The following JCAD variants were observed in gnomAD, a reference collection of about 807,000 sequenced individuals.
The protein encoded by JCAD is junctional cadherin 5 associated.
JCAD carries 40 observed loss-of-function variants against 98.0 expected under a neutral mutation model. The observed-to-expected ratio is 0.41, with a 90% CI of 0.32 to 0.53. The LOEUF is 0.53. Among genes scored for constraint, JCAD ranks in the 20% least tolerant of loss-of-function variants. The pLI is 0.31. For missense variants in JCAD, 1,705 were observed against 1,738.1 expected (o/e 0.98, Z 0.34); for synonymous variants, 691 against 682.3 (o/e 1.01, Z -0.20).
intron 1 of JCAD, among the ~76,000 whole-genome samples, chr10:30,053,430 G>A (rs975616916): frequency 5.3e-5 from 8 of 151,752 alleles, no homozygotes; most frequent in African/African-American, 1.7e-4. Context: ...GCGTGGTGGC[G>A]CTCACCTGTA....
chr10:30,066,520 G>A (rs1014099996), intron 2 of JCAD, among the ~76,000 whole-genome samples: 1 of 152,128 alleles, frequency 6.6e-6, no homozygotes, highest in Non-Finnish European at 1.5e-5. Context: ...CTCTTGAGCG[G>A]TGGTGCCCTC....
chr10:30,100,136 T>C (rs1465300051), intron 1 of JCAD, among the ~76,000 whole-genome samples: 1 of 152,194 alleles, frequency 6.6e-6, no homozygotes, highest in Non-Finnish European at 1.5e-5. Context: ...CATTGCTCCA[T>C]CTGTAAAGGC....
At chr10:30,070,148 TA>T (rs769536286) in intron 1 of JCAD, among the ~76,000 whole-genome samples, 4 of 152,120 alleles carry the variant, frequency 2.6e-5, no homozygotes, top group Non-Finnish European at 4.4e-5. Flanking sequence ...AAACATGAAA[TA>T]TAAGTCCGAG....
intron 1 of JCAD, among the ~76,000 whole-genome samples, chr10:30,083,901 T>C (rs1056188589): frequency 1.3e-5 from 2 of 151,976 alleles, no homozygotes; most frequent in Non-Finnish European, 2.9e-5. Flanking sequence ...GGTACACACC[T>C]CTAGTCCCAG....
chr10:30,037,746 A>G (rs1320978458), intron 2 of JCAD, among the ~76,000 whole-genome samples: 1 of 152,104 alleles, frequency 6.6e-6, no homozygotes, highest in East Asian at 1.9e-4. Flanking sequence ...GGGGCACAGG[A>G]AAGCAATTCA....
rs766426735 is a variant in JCAD at position 30,022,997 on chromosome 10, C to CT, written c.4045+3105dup. ...AAGTGCCCTACAAAAGTGGTCCTTT[C>CT]TTTTTTTTTAATATTTTATGCCATA... On this transcript the variant is annotated intron_variant, in intron 3 of 3. Transcript: ENST00000375377. 1.5e-3 allele frequency among the ~76,000 whole-genome samples: 233 copies of CT among 151,370 alleles called. 1 individual carries two copies. Among genetic ancestry groups the CT allele is most frequent in the Non-Finnish European group, 2.3e-3 (155 of 67,794 alleles).
chr10:30,071,206 T>C (rs1837880714), intron 1 of JCAD, among the ~76,000 whole-genome samples: 1 of 152,182 alleles, frequency 6.6e-6, no homozygotes, highest in Non-Finnish European at 1.5e-5. Flanking sequence ...CGCCCCAGCC[T>C]AAAGTATTAA....
chr10:30,071,854 A>G (rs1208903220), intron 1 of JCAD, among the ~76,000 whole-genome samples: 1 of 152,110 alleles, frequency 6.6e-6, no homozygotes, highest in Non-Finnish European at 1.5e-5. Context: ...ATATGAACAA[A>G]ATAAAAAGGA....
At chr10:30,066,264 A>G (rs2255515) in intron 2 of JCAD, among the ~76,000 whole-genome samples, 132,324 of 152,186 alleles carry the variant, frequency 0.87, 58,061 homozygotes, top group African/African-American at 0.96. Flanking sequence ...GTGACAAACA[A>G]TTTTTCAATC....
At chr10:30,055,706 C>G (rs1837557488) in intron 1 of JCAD, among the ~76,000 whole-genome samples, 1 of 152,130 alleles carries the variant, frequency 6.6e-6, no homozygotes, top group Non-Finnish European at 1.5e-5. Context: ...GGAGGACATC[C>G]TTAGGTTTCT....
In JCAD at chr10:30,027,280, C is replaced by T. The variant is rs971225808; in HGVS notation, c.2868G>A (p.Lys956=). ...CSADGSTSAE[K]RHLEVSNGMD... ...TTCCGTTGCTAACCTCCAGGTGTCT[C>T]TTCTCTGCACTCGTGCTTCCATCTG... Residue 956 remains lysine (K), a synonymous_variant, in exon 3 of 4, where the codon AAG becomes AAA. Coordinates refer to ENST00000375377, the MANE Select transcript of JCAD (RefSeq NM_020848.4). 6.2e-7 allele frequency: 1 copy of T among 1,614,184 alleles called. No homozygotes were observed. Among genetic ancestry groups the T allele is most frequent in the Non-Finnish European group, 8.5e-7 (1 of 1,180,040 alleles).
At chr10:30,114,845 AGATAGATAGATGATAGATACATAATAGAT>A (rs1263432457) in intron 1 of JCAD, among the ~76,000 whole-genome samples, 2 of 152,006 alleles carry the variant, frequency 1.3e-5, no homozygotes, top group Non-Finnish European at 2.9e-5. Flanking sequence ...ATAGATAGAT[AGATAGATAGATGATAGATACATAATAGAT>A]GATAGATAGA....
chr10:30,054,336 G>C (rs1302195437), intron 1 of JCAD, among the ~76,000 whole-genome samples: 1 of 152,062 alleles, frequency 6.6e-6, no homozygotes, highest in Non-Finnish European at 1.5e-5. Context: ...ATACTTTACT[G>C]AATCTTATGA....
At chr10:30,020,778 C>T (rs1836646304) in intron 3 of JCAD, among the ~76,000 whole-genome samples, 1 of 152,186 alleles carries the variant, frequency 6.6e-6, no homozygotes, top group African/African-American at 2.4e-5. Flanking sequence ...CTGAGAGGGT[C>T]CTCCTGTGAG....
Position 30,072,692 on chromosome 10 carries a change from G to A in JCAD, n.129-2871C>T, listed in dbSNP as rs112687985. On this transcript the variant is annotated intron_variant and non_coding_transcript_variant, in intron 1 of 2. Transcript: ENST00000465712. ...TTTTGAGACAGAGTCTCACTCTGCC[G>A]ACCAGGCTGGAGTGCAGTGGTGCAA... 7.2e-3 allele frequency among the ~76,000 whole-genome samples: 1,092 copies of A among 151,050 alleles called. 3 individuals are homozygous for A. The highest frequency in any genetic ancestry group is 0.027 in the Middle Eastern group (8 of 294).
At chr10:30,075,847 A>G (rs1307507539) in intron 1 of JCAD, among the ~76,000 whole-genome samples, 1 of 152,178 alleles carries the variant, frequency 6.6e-6, no homozygotes, top group Non-Finnish European at 1.5e-5. Flanking sequence ...AGGAGCTCCC[A>G]TGCATTTGGG....
chr10:30,025,535 AAGGGGAGGGGAGGGG>A lies in JCAD; in HGVS notation c.4045+553_4045+567del, dbSNP rs77184322. ...TCTGTCTCAAAAAGAAAAAAATGGG[AAGGGGAGGGGAGGGG>A]AGGGGAGGGGAGGGGAGGGGAGGGA... On this transcript the variant is annotated intron_variant, in intron 3 of 3. Transcript: ENST00000375377. Among the ~76,000 whole-genome samples the A allele has an allele frequency of 3.4e-3, 33 of 9,630 alleles. 3 individuals carry two copies. Among genetic ancestry groups the A allele is most frequent in the South Asian group, 0.029 (7 of 238 alleles). 6.3% of individuals were successfully genotyped at this position (9,630 alleles called of 152,430 possible).
chr10:30,027,279 T>C lies in JCAD; in HGVS notation c.2869A>G (p.Arg957Gly), dbSNP rs2185724. The C allele has an allele frequency of 0.4, 650,159 of 1,613,882 alleles. 132,755 individuals are homozygous for C. The highest frequency in any genetic ancestry group is 0.42 in the Non-Finnish European group (494,661 of 1,179,948). ...SADGSTSAEK[R>G]HLEVSNGMDE... ...ATTCCGTTGCTAACCTCCAGGTGTC[T>C]CTTCTCTGCACTCGTGCTTCCATCT... Residue 957 changes from arginine (R) to glycine (G), a missense_variant, in exon 3 of 4, where the codon AGA becomes GGA. Arg to Gly is a moderately radical substitution (Grantham distance 125). This residue lies in a region of JCAD where 1,278 missense variants were observed against 1,243.1 expected (regional missense o/e 1.03). Coordinates refer to ENST00000375377, the MANE Select transcript of JCAD (RefSeq NM_020848.4).
rs752389698 is a variant in JCAD, at chr10:30,047,744, G to A, written c.69C>T (p.Arg23=). The change falls in exon 2 of 4, where the codon CGC becomes CGT. Residue 23 remains arginine (R), a synonymous_variant. Coordinates refer to ENST00000375377, the MANE Select transcript of JCAD (RefSeq NM_020848.4). ...YKLSRDPPAS[R]EDNPKGRQAA... ...CCTGGCGCCCCTTGGGGTTATCCTC[G>A]CGTGATGCTGGGGGGTCTCTTGACA... is the stretch of plus-strand genomic sequence containing the variant. 13 of 1,614,114 alleles carry A rather than the reference G, an allele frequency of 8.1e-6. No individual in the cohort carries two copies. Among genetic ancestry groups the A allele is most frequent in the South Asian group, 5.5e-5 (5 of 91,084 alleles).
Sources: allele counts gnomAD v4.1 joint callset (sites outside exome capture counted in the v4.1 genomes callset), GRCh38; gene constraint gnomAD v4.1.1; regional missense constraint gnomAD v4.1.1; transcripts MANE v1.5; gene names NCBI Gene and HGNC (gene_info 2026-07-23, HGNC 2026-07-21).